Variants in TMEM182 observed in about 807,000 individuals in gnomAD.
The protein encoded by TMEM182 is transmembrane protein 182.
A neutral mutation model predicts 26.8 loss-of-function variants in TMEM182; 20 were observed. The ratio of observed to expected loss-of-function variants is 0.75; its 90% confidence interval spans 0.53 to 1.09. TMEM182 has a LOEUF of 1.09. Among genes scored for constraint, TMEM182 ranks in the 50% least tolerant of loss-of-function variants. The pLI is 0.00. For synonymous variants in TMEM182, 109 were observed against 102.2 expected, an observed-to-expected ratio of 1.07 and a Z score of -0.40; for missense variants, 277 against 275.5, an observed-to-expected ratio of 1.01 and a Z score of -0.04.
intron 3 of TMEM182, among the ~76,000 whole-genome samples, chr2:102,791,095 C>T (rs1192276608): frequency 6.6e-6 from 1 of 152,078 alleles, no homozygotes; most frequent in Non-Finnish European, 1.5e-5. Context: ...GCCACCATGC[C>T]TGGCTAATTT....
At chr2:102,804,546 C>G (rs1291710223) in intron 4 of TMEM182, among the ~76,000 whole-genome samples, 1 of 151,976 alleles carries the variant, frequency 6.6e-6, no homozygotes, top group Admixed American at 6.6e-5. Flanking sequence ...TTTCTTTATC[C>G]ACTTGTTGGT....
chr2:102,828,031 CAG>C (rs1683072324), intron 3 of TMEM182, among the ~76,000 whole-genome samples: 1 of 152,160 alleles, frequency 6.6e-6, no homozygotes, highest in Non-Finnish European at 1.5e-5. Flanking sequence ...GCAAAGGTTG[CAG>C]TGAGCCGAGA....
At chr2:102,814,644 A>T in intron 4 of TMEM182, 104 bp from the exon 5 acceptor site, 1 of 971,138 alleles carries the variant, frequency 1.0e-6, no homozygotes, top group African/African-American at 1.6e-5. Context: ...TTTGCTAGAA[A>T]TGTATTTGCA....
chr2:102,753,209 C>T (rs1208304291), intron 1 of TMEM182, among the ~76,000 whole-genome samples: 2 of 151,776 alleles, frequency 1.3e-5, no homozygotes, highest in Non-Finnish European at 2.9e-5. Context: ...CCCCCACTGC[C>T]TTCAAGAGTT....
intron 3 of TMEM182, among the ~76,000 whole-genome samples, chr2:102,783,448 T>C (rs1681256939): frequency 6.6e-6 from 1 of 151,862 alleles, no homozygotes; most frequent in Non-Finnish European, 1.5e-5. Context: ...ACTAAGGGGG[T>C]TGGTTAAGTG....
At chr2:102,838,405 A>G (rs1558796524) in intron 3 of TMEM182, among the ~76,000 whole-genome samples, 1 of 152,190 alleles carries the variant, frequency 6.6e-6, no homozygotes, top group Non-Finnish European at 1.5e-5. Flanking sequence ...TGTCATGTGT[A>G]TAGAATGCAT....
chr2:102,808,480 C>T (rs573779188), intron 4 of TMEM182, among the ~76,000 whole-genome samples: 115 of 152,124 alleles, frequency 7.6e-4, no homozygotes, highest in African/African-American at 2.5e-3. Context: ...AGGTGCCTGC[C>T]GTAGCATCGA....
chr2:102,752,406 T>A (rs1045142640), intron 1 of TMEM182, among the ~76,000 whole-genome samples: 2 of 152,220 alleles, frequency 1.3e-5, no homozygotes, highest in East Asian at 3.8e-4. Context: ...CCATACCACA[T>A]ATGTATAATA....
chr2:102,778,425 T>C (rs1335103317), intron 3 of TMEM182, among the ~76,000 whole-genome samples: 1 of 152,038 alleles, frequency 6.6e-6, no homozygotes, highest in Non-Finnish European at 1.5e-5. Context: ...AGACAATGTA[T>C]AATTGGGTGA....
rs147047326 is a variant in TMEM182 at position 102,836,821 on chromosome 2, C to T, written c.326-6591C>T. Among the ~76,000 whole-genome samples, 1,140 of 152,356 alleles carry T rather than the reference C, an allele frequency of 7.5e-3. 13 individuals carry two copies. The highest frequency in any genetic ancestry group is 0.026 in the African/African-American group (1,061 of 41,580). ...CACAGACAACTTCTCAGCCTTCAGT[C>T]ATGGCAGGGTTGGCCATTAATAGAA... is the stretch of plus-strand genomic sequence containing the variant. On this transcript the variant is annotated intron_variant, in intron 3 of 3. Coordinates refer to the TMEM182 transcript ENST00000486293.
At chr2:102,821,154 A>G (rs1383105338), downstream of TMEM182, among the ~76,000 whole-genome samples, 1 of 152,152 alleles carries the variant, frequency 6.6e-6, no homozygotes, top group African/African-American at 2.4e-5. Flanking sequence ...TGCACTCCAG[A>G]CTCAACACCC....
At chr2:102,834,877 G>C (rs959259931) in intron 3 of TMEM182, among the ~76,000 whole-genome samples, 1 of 152,188 alleles carries the variant, frequency 6.6e-6, no homozygotes, top group Admixed American at 6.5e-5. Flanking sequence ...TATTCCTGGG[G>C]TCTATTTCTA....
rs1682796460 is a variant in TMEM182 at position 102,817,507 on chromosome 2, C to A, written c.*2539C>A. 1 of 985,214 alleles carries A rather than the reference C, an allele frequency of 1.0e-6. No homozygotes were observed. The allele number at this position is 985,214 out of a possible 1,614,324, so 61.0% of individuals were successfully genotyped here. ...ACATTGGAATTGGCTGGAGAGACTA[C>A]ACAGAGAAGTTTAATGATCGTGTAC... is the stretch of plus-strand genomic sequence containing the variant. On this transcript the variant is annotated 3_prime_UTR_variant, in exon 5 of 5. Transcript: ENST00000412401.
chr2:102,829,478 T>C (rs1173904929), intron 3 of TMEM182, among the ~76,000 whole-genome samples: 3 of 152,146 alleles, frequency 2.0e-5, no homozygotes, highest in Non-Finnish European at 4.4e-5. Flanking sequence ...CCCATCTCTA[T>C]CCTAACAGCA....
Position 102,800,094 on chromosome 2 carries a change from T to C in TMEM182, c.469+2094T>C. ...TTTGTCTTTTATTTGAACTGTTTTC[T>C]TTCACTGGATTTAGCCATTAGAGCT... On this transcript the variant is annotated intron_variant, in intron 4 of 4. Coordinates refer to ENST00000412401, the MANE Select transcript of TMEM182 (RefSeq NM_144632.5). Among the ~76,000 whole-genome samples, 2 of 152,234 alleles carry C rather than the reference T, an allele frequency of 1.3e-5. 1 individual carries two copies. Among genetic ancestry groups the C allele is most frequent in the African/African-American group, 4.8e-5 (2 of 41,468 alleles).
At chr2:102,834,114 G>A (rs1683197795) in intron 3 of TMEM182, among the ~76,000 whole-genome samples, 1 of 152,150 alleles carries the variant, frequency 6.6e-6, no homozygotes, top group African/African-American at 2.4e-5. Context: ...CCAGTCATTG[G>A]GTGGGCTTGC....
intron 4 of TMEM182, among the ~76,000 whole-genome samples, chr2:102,813,944 CTCTT>C (rs1243944792): frequency 2.6e-5 from 4 of 151,934 alleles, no homozygotes; most frequent in South Asian, 2.1e-4. Context: ...TTCATTCTCT[CTCTT>C]TCTTTTTTTC....
intron 3 of TMEM182, among the ~76,000 whole-genome samples, chr2:102,766,505 A>G (rs1680437487): frequency 6.6e-6 from 1 of 152,226 alleles, no homozygotes; most frequent in Non-Finnish European, 1.5e-5. Flanking sequence ...CAGAAATACT[A>G]TACACAAGTT....
At position 102,775,393 on chromosome 2, in the gene TMEM182, A is replaced by G. The variant is rs543366625; in HGVS notation, c.331+10966A>G. On this transcript the variant is annotated intron_variant, in intron 3 of 4. Transcript: ENST00000412401. ...AGGTATTGACGGGATGTATCTCAAA[A>G]TAATAAGAGCTATCTATGACAAACC... The G allele has an allele frequency of 2.0e-5, 3 of 152,340 alleles. No individual in the cohort carries two copies. The South Asian group carries it at 6.2e-4, about 32-fold the overall frequency. The allele number at this position is 152,340 out of a possible 1,614,324, so 9.4% of individuals were successfully genotyped here.
Sources: gnomAD v4.1 joint callset for allele counts (sites outside exome capture counted in the v4.1 genomes callset) on GRCh38, gnomAD v4.1.1 for gene constraint, MANE v1.5 for transcripts, NCBI Gene and HGNC (gene_info 2026-07-23, HGNC 2026-07-21) for gene names.